TBC1D5: variants seen among roughly 807,000 people sequenced by gnomAD.
The protein encoded by TBC1D5 is TBC1 domain family, member 5.
A neutral mutation model predicts 100.3 loss-of-function variants in TBC1D5; 75 were observed. The observed-to-expected ratio is 0.75, with a 90% CI of 0.62 to 0.91. TBC1D5 has a LOEUF of 0.91. Ranked by LOEUF, TBC1D5 falls within the 40% of genes least tolerant of loss-of-function variation. The pLI is 0.00. For synonymous variants in TBC1D5, 323 were observed against 325.6 expected (o/e 0.99, Z 0.09); for missense variants, 910 against 942.4 (o/e 0.97, Z 0.45).
intron 2 of TBC1D5, among the ~76,000 whole-genome samples, chr3:17,562,599 C>T (rs1204880787): frequency 6.6e-6 from 1 of 151,566 alleles, no homozygotes; most frequent in Non-Finnish European, 1.5e-5. Context: ...ATGCCAGGGA[C>T]TGTGCTAAAC....
chr3:17,536,249 C>T lies in TBC1D5; in HGVS notation c.-35-27644G>A, dbSNP rs79418696. Among the ~76,000 whole-genome samples, 689 of 152,180 alleles carry T rather than the reference C, an allele frequency of 4.5e-3. 5 individuals carry two copies. Among genetic ancestry groups the T allele is most frequent in the South Asian group, 0.018 (89 of 4,828 alleles). On this transcript the variant is annotated intron_variant, in intron 2 of 21. Coordinates refer to ENST00000253692, the Ensembl canonical transcript of TBC1D5. ...AAAATATAATGGTTATATAAAGCTGCTGCATAGTCACAAAAGCACATCTTT... is the reference window on the plus strand; with the variant it reads ...AAAATATAATGGTTATATAAAGCTGTTGCATAGTCACAAAAGCACATCTTT...
chr3:17,318,190 A>G (rs2084934834), intron 13 of TBC1D5, among the ~76,000 whole-genome samples: 3 of 138,792 alleles, frequency 2.2e-5, no homozygotes, highest in Admixed American at 8.0e-5. Context: ...GAACACATGT[A>G]CACAGGAAGG....
intron 2 of TBC1D5, among the ~76,000 whole-genome samples, chr3:17,549,656 C>T (rs1184256434): frequency 2.0e-5 from 3 of 152,022 alleles, no homozygotes; most frequent in African/African-American, 7.2e-5. Flanking sequence ...ATGGCGCAGG[C>T]GCTGTGGCTC....
At chr3:17,299,091 C>T (rs901051783) in intron 14 of TBC1D5, among the ~76,000 whole-genome samples, 1 of 152,172 alleles carries the variant, frequency 6.6e-6, no homozygotes, top group Non-Finnish European at 1.5e-5. Flanking sequence ...ATGCCAGCAT[C>T]GCTACTCTTG....
At position 17,471,670 on chromosome 3, in the gene TBC1D5, C is replaced by CAA. The variant is rs753132440; in HGVS notation, c.97+36802_97+36803dup. ...TGGGCGACAGAGCGAGACTCCGTCT[C>CAA]AAAAAAAAAAAAAAAAAAAAAAAAA... On this transcript the variant is annotated intron_variant, in intron 3 of 21. Transcript: ENST00000253692. Among the ~76,000 whole-genome samples the CAA allele has an allele frequency of 9.3e-3, 205 of 22,138 alleles. 6 individuals carry two copies. The highest frequency in any genetic ancestry group is 0.016 in the Middle Eastern group (1 of 62). The allele number at this position is 22,138 out of a possible 152,430, so 14.5% of individuals were successfully genotyped here. A position where few individuals can be genotyped will look rare whatever the true frequency, so the allele number is the denominator to read the frequency against.
chr3:17,377,782 C>T (rs1430399561), intron 9 of TBC1D5, among the ~76,000 whole-genome samples: 2 of 151,922 alleles, frequency 1.3e-5, no homozygotes, highest in East Asian at 1.9e-4. Flanking sequence ...TAAGTTATCA[C>T]TAGCTTTGAA....
chr3:17,180,916 C>CAAAAAAAAAAAAAAAAA (rs76797012), intron 19 of TBC1D5, among the ~76,000 whole-genome samples: 1 of 96,178 alleles, frequency 1.0e-5, no homozygotes. Context: ...ACATTTACAC[C>CAAAAAAAAAAAAAAAAA]AAAAAAAAAA....
chr3:17,326,262 G>A (rs1394840142), intron 13 of TBC1D5, among the ~76,000 whole-genome samples: 1 of 152,100 alleles, frequency 6.6e-6, no homozygotes. Context: ...ATTGAAGAGG[G>A]AAGAAACAGT....
At chr3:17,457,480 G>C (rs1325066470) in intron 3 of TBC1D5, among the ~76,000 whole-genome samples, 1 of 152,050 alleles carries the variant, frequency 6.6e-6, no homozygotes, top group Non-Finnish European at 1.5e-5. Flanking sequence ...CTCCATTTCT[G>C]TTACTATGTT....
At chr3:17,277,470 T>A (rs550960510) in intron 15 of TBC1D5, among the ~76,000 whole-genome samples, 1 of 152,300 alleles carries the variant, frequency 6.6e-6, no homozygotes, top group African/African-American at 2.4e-5. Flanking sequence ...CCCATCAATC[T>A]CGTTGGGCTT....
chr3:17,511,743 A>G (rs555539697), intron 2 of TBC1D5, among the ~76,000 whole-genome samples: 1 of 152,204 alleles, frequency 6.6e-6, no homozygotes, highest in East Asian at 1.9e-4. Flanking sequence ...GCCAGAATAC[A>G]AAATCAACCA....
At chr3:17,290,201 T>C (rs1024911431) in intron 15 of TBC1D5, among the ~76,000 whole-genome samples, 4 of 152,178 alleles carry the variant, frequency 2.6e-5, no homozygotes, top group Non-Finnish European at 4.4e-5. Context: ...CTATTATTTT[T>C]TTCTCTTAAA....
intron 2 of TBC1D5, among the ~76,000 whole-genome samples, chr3:17,587,710 C>A (rs536543993): frequency 6.6e-6 from 1 of 152,080 alleles, no homozygotes; most frequent in South Asian, 2.1e-4. Flanking sequence ...ACAAACAATA[C>A]TTTTCTGAAT....
chr3:17,305,311 CT>C (rs1286391143), intron 14 of TBC1D5, among the ~76,000 whole-genome samples: 1 of 152,136 alleles, frequency 6.6e-6, no homozygotes, highest in Non-Finnish European at 1.5e-5. Flanking sequence ...CCAGTTTCAC[CT>C]TTGCCCATGT....
chr3:17,699,338 A>C (rs2072741246), intron 1 of TBC1D5, among the ~76,000 whole-genome samples: 2 of 137,164 alleles, frequency 1.5e-5, no homozygotes, highest in South Asian at 5.4e-4. Context: ...GTGGGAATTG[A>C]ACAATGAGAA....
chr3:17,544,319 T>G (rs1419323155), intron 2 of TBC1D5, among the ~76,000 whole-genome samples: 1 of 152,180 alleles, frequency 6.6e-6, no homozygotes, highest in Non-Finnish European at 1.5e-5. Context: ...TATAATTTGA[T>G]TATCAATAAT....
At chr3:17,630,790 C>G (rs992141585) in intron 1 of TBC1D5, among the ~76,000 whole-genome samples, 1 of 151,176 alleles carries the variant, frequency 6.6e-6, no homozygotes, top group Non-Finnish European at 1.5e-5. Flanking sequence ...AATCCCAGCA[C>G]TTTGGGAGGC....
intron 2 of TBC1D5, among the ~76,000 whole-genome samples, chr3:17,553,213 C>T (rs1284757600): frequency 4.6e-5 from 7 of 152,130 alleles, no homozygotes. Context: ...GTAAAGAGGT[C>T]ACCAGTCAAT....
intron 1 of TBC1D5, among the ~76,000 whole-genome samples, chr3:17,633,854 C>T (rs1017691779): frequency 1.3e-5 from 2 of 152,122 alleles, no homozygotes; most frequent in African/African-American, 4.8e-5. Context: ...CTCCAAATTT[C>T]GTGTTTTACT....
Sources: gnomAD v4.1 joint callset for allele counts (sites outside exome capture counted in the v4.1 genomes callset) on GRCh38, gnomAD v4.1.1 for gene constraint, MANE v1.5 for transcripts, NCBI Gene and HGNC (gene_info 2026-07-23, HGNC 2026-07-21) for gene names.